The following PHKB variants were observed in gnomAD, a reference collection of about 807,000 sequenced individuals.
PHKB encodes the protein phosphorylase b kinase regulatory subunit beta.
In PHKB, 122 loss-of-function variants were observed where a neutral mutation model predicts 152.1. The observed-to-expected ratio is 0.80, with a 90% CI of 0.69 to 0.93. The LOEUF is 0.93. Among genes scored for constraint, PHKB ranks in the 40% least tolerant of loss-of-function variants. The pLI, the probability that PHKB is intolerant of heterozygous loss-of-function variation, is 0.00. For missense variants in PHKB, 1,304 were observed against 1,328.4 expected (o/e 0.98, Z 0.29); for synonymous variants, 436 against 464.9 (o/e 0.94, Z 0.80).
chr16:47,649,627 C>G (rs913667403), intron 18 of PHKB, among the ~76,000 whole-genome samples: 1 of 152,098 alleles, frequency 6.6e-6, no homozygotes, highest in African/African-American at 2.4e-5. Flanking sequence ...ACTGACAGAG[C>G]AGAGAAGGTT....
chr16:47,688,597 G>C (rs1418025390), intron 26 of PHKB, among the ~76,000 whole-genome samples: 1 of 151,600 alleles, frequency 6.6e-6, no homozygotes, highest in Non-Finnish European at 1.5e-5. Flanking sequence ...CAAAAAGCTT[G>C]AGATTTCAGA....
rs570176932 is a variant in PHKB at position 47,581,940 on chromosome 16, A to C, written c.774+1582A>C. Among the ~76,000 whole-genome samples the C allele has an allele frequency of 7.9e-5, 12 of 152,294 alleles. No individual in the cohort carries two copies. The East Asian group carries it at 2.1e-3, about 27-fold the overall frequency. ...GGTGATCCACCCATCTCGGCCTCCC[A>C]AAGTGCTGGGATCACAGGCATGAGC... On this transcript the variant is annotated intron_variant, in intron 8 of 30. Transcript: ENST00000323584.
At chr16:47,536,718 G>A (rs1318438209) in intron 6 of PHKB, among the ~76,000 whole-genome samples, 1 of 152,110 alleles carries the variant, frequency 6.6e-6, no homozygotes, top group African/African-American at 2.4e-5. Context: ...GCTGACAAAT[G>A]AGTTAAGAAA....
chr16:47,544,682 G>A (rs1307225905), intron 6 of PHKB, among the ~76,000 whole-genome samples: 6 of 152,138 alleles, frequency 3.9e-5, no homozygotes, highest in African/African-American at 9.7e-5. Flanking sequence ...AATATTGACC[G>A]TGGGGTGTTA....
intron 1 of PHKB, among the ~76,000 whole-genome samples, chr16:47,493,663 T>C (rs1970186937): frequency 6.6e-6 from 1 of 152,238 alleles, no homozygotes; most frequent in Non-Finnish European, 1.5e-5. Flanking sequence ...CCTTCCTGAA[T>C]GACCAGAAAC....
chr16:47,584,011 G>A (rs895908314), intron 8 of PHKB, among the ~76,000 whole-genome samples: 3 of 151,058 alleles, frequency 2.0e-5, no homozygotes, highest in African/African-American at 7.3e-5. Context: ...ATTATTATGC[G>A]TTCCTATACT....
chr16:47,600,179 C>G (rs1972196745), intron 13 of PHKB, among the ~76,000 whole-genome samples: 3 of 152,152 alleles, frequency 2.0e-5, no homozygotes. Flanking sequence ...TAACAAAACT[C>G]TGTGACTTCT....
chr16:47,541,708 A>G (rs1488824636), intron 6 of PHKB, among the ~76,000 whole-genome samples: 1 of 152,118 alleles, frequency 6.6e-6, no homozygotes, highest in Non-Finnish European at 1.5e-5. Context: ...GTGAGGTGAT[A>G]TCTCATTGTG....
At chr16:47,636,280 G>A (rs2151723768) in intron 14 of PHKB, among the ~76,000 whole-genome samples, 1 of 152,372 alleles carries the variant, frequency 6.6e-6, no homozygotes, top group Non-Finnish European at 1.5e-5. Context: ...TATAATAGCA[G>A]TGGCAACCTG....
intron 1 of PHKB, among the ~76,000 whole-genome samples, chr16:47,469,434 A>T (rs1969725763): frequency 6.6e-6 from 1 of 152,214 alleles, no homozygotes; most frequent in South Asian, 2.1e-4. Flanking sequence ...AAAGAATGAA[A>T]TCATGTCCTT....
intron 1 of PHKB, among the ~76,000 whole-genome samples, chr16:47,492,252 G>T (rs945321805): frequency 6.6e-6 from 1 of 152,094 alleles, no homozygotes; most frequent in African/African-American, 2.4e-5. Flanking sequence ...ATGGAAAGAT[G>T]GACAAAGTAC....
intron 8 of PHKB, among the ~76,000 whole-genome samples, chr16:47,582,837 C>A (rs1971870927): frequency 6.6e-6 from 1 of 152,196 alleles, no homozygotes. Flanking sequence ...GCTCTTGTCA[C>A]CCAGGCTGGA....
intron 1 of PHKB, among the ~76,000 whole-genome samples, chr16:47,486,407 A>C (rs1256222843): frequency 2.0e-5 from 3 of 152,250 alleles, no homozygotes; most frequent in Non-Finnish European, 1.5e-5. Flanking sequence ...TATTGCCTGA[A>C]GATGATGTAA....
intron 6 of PHKB, among the ~76,000 whole-genome samples, chr16:47,522,531 A>C (rs1442837522): frequency 1.4e-5 from 2 of 146,916 alleles, no homozygotes; most frequent in East Asian, 4.0e-4. Context: ...TCTCTTCTCC[A>C]TTTTATTTAT....
chr16:47,596,005 A>G (rs1972111136), intron 12 of PHKB, among the ~76,000 whole-genome samples: 1 of 152,184 alleles, frequency 6.6e-6, no homozygotes, highest in Non-Finnish European at 1.5e-5. Flanking sequence ...GTTCGGCTGT[A>G]TCCCCACCCA....
chr16:47,522,695 C>G (rs988726529), intron 6 of PHKB, among the ~76,000 whole-genome samples: 1 of 151,814 alleles, frequency 6.6e-6, no homozygotes, highest in Non-Finnish European at 1.5e-5. Flanking sequence ...AAATTTCCCT[C>G]TACTTATCTG....
chr16:47,584,187 T>TG (rs1454945183), intron 8 of PHKB, among the ~76,000 whole-genome samples: 3 of 152,136 alleles, frequency 2.0e-5, no homozygotes, highest in Non-Finnish European at 4.4e-5. Flanking sequence ...AAAGCCAATT[T>TG]GGGGCAGAGC....
In PHKB at chr16:47,566,188, A is replaced by G. The variant is rs991156249; in HGVS notation, c.711-14107A>G. On this transcript the variant is annotated intron_variant, in intron 7 of 30. Coordinates refer to ENST00000323584, the MANE Select transcript of PHKB (RefSeq NM_000293.3). ...ATATCCCTGCATGGGCCATCCCAAT[A>G]CTCATCACAATACCAATCTGAATCA... 3 of 705,270 alleles carry G rather than the reference A, an allele frequency of 4.3e-6. No homozygotes were observed. In the African/African-American group the frequency reaches 5.2e-5, roughly 12 times the overall value. 43.7% of individuals were successfully genotyped at this position (705,270 alleles called of 1,614,324 possible). A position where few individuals can be genotyped will look rare whatever the true frequency, so the allele number is the denominator to read the frequency against.
chr16:47,602,214 C>T (rs1347018338), intron 13 of PHKB, among the ~76,000 whole-genome samples: 1 of 152,130 alleles, frequency 6.6e-6, no homozygotes, highest in Non-Finnish European at 1.5e-5. Context: ...CCACAGATCA[C>T]CATGCCTGGC....
Sources: gnomAD v4.1 joint callset for allele counts (sites outside exome capture counted in the v4.1 genomes callset) on GRCh38, gnomAD v4.1.1 for gene constraint, MANE v1.5 for transcripts, NCBI Gene and HGNC (gene_info 2026-07-23, HGNC 2026-07-21) for gene names.